Variants in CCDC7 observed in about 807,000 individuals in gnomAD.
CCDC7 encodes the protein coiled-coil domain-containing protein 7.
In CCDC7, 183 loss-of-function variants were observed where a neutral mutation model predicts 196.9. The ratio of observed to expected loss-of-function variants is 0.93; its 90% CI spans 0.82 to 1.05. The LOEUF (loss-of-function observed/expected upper bound fraction) is 1.05. CCDC7 is among the 50% of genes least tolerant of loss of function. The pLI is 0.00. For synonymous variants in CCDC7, 525 were observed against 484.6 expected (o/e 1.08, Z -1.10); for missense variants, 1,540 against 1,482.2 (o/e 1.04, Z -0.64).
chr10:32,611,257 T>C (rs1263746394), intron 18 of CCDC7, among the ~76,000 whole-genome samples: 1 of 152,242 alleles, frequency 6.6e-6, no homozygotes, highest in Non-Finnish European at 1.5e-5. Context: ...TGCCCACTTT[T>C]TGATGGGGTT....
chr10:32,511,263 G>A lies in CCDC7; in HGVS notation c.873-6682G>A. 5.1e-6 allele frequency: 3 copies of A among 591,272 alleles called. 1 individual carries two copies. 36.6% of individuals were successfully genotyped at this position (591,272 alleles called of 1,614,324 possible). On this transcript the variant is annotated intron_variant, in intron 9 of 41. Transcript: ENST00000639629. ...CCACAGAATTATTCTGTGGGGGGCG[G>A]GGGGGGCGGGGAAATGTACTTTTTG...
At chr10:32,662,999 C>CA (rs1219968625) in intron 20 of CCDC7, among the ~76,000 whole-genome samples, 3 of 149,752 alleles carry the variant, frequency 2.0e-5, no homozygotes, top group Non-Finnish European at 4.4e-5. Context: ...CCAAATTAGT[C>CA]AGAGGCCGAA....
At chr10:32,545,732 CCT>C (rs1391911194) in intron 13 of CCDC7, among the ~76,000 whole-genome samples, 2 of 151,824 alleles carry the variant, frequency 1.3e-5, no homozygotes, top group Non-Finnish European at 2.9e-5. Context: ...ACGGCAAAAC[CCT>C]GTCTCTACCA....
At chr10:32,878,691 A>G (rs1414443010), downstream of CCDC7, among the ~76,000 whole-genome samples, 1 of 152,148 alleles carries the variant, frequency 6.6e-6, no homozygotes, top group East Asian at 1.9e-4. Context: ...TGGAAATTCA[A>G]AAATTCCTTT....
chr10:32,807,424 A>G (rs1478556092), intron 30 of CCDC7, among the ~76,000 whole-genome samples: 1 of 152,136 alleles, frequency 6.6e-6, no homozygotes, highest in Non-Finnish European at 1.5e-5. Context: ...GGGCTCCAAG[A>G]TGACTGTCTT....
rs1565146886 is a variant in CCDC7, at chr10:32,689,060, TAAAG to T, written c.2244_2247del (p.Lys748AsnfsTer21). The T allele has an allele frequency of 6.3e-7, 1 of 1,582,228 alleles. No homozygotes were observed. Among genetic ancestry groups the T allele is most frequent in the South Asian group, 1.1e-5 (1 of 88,478 alleles). On this transcript the variant is annotated frameshift_variant, in exon 23 of 42. Coordinates refer to ENST00000639629, the Ensembl canonical transcript of CCDC7. LOFTEE classifies it high-confidence loss of function. ...ACACATCTTTTTCTGTAGCTCCTGA[TAAAG>T]AACCAAATGAAAATCTTATACTTAG...
At chr10:32,482,722 C>T (rs893384407) in intron 8 of CCDC7, among the ~76,000 whole-genome samples, 1 of 150,548 alleles carries the variant, frequency 6.6e-6, no homozygotes, top group African/African-American at 2.4e-5. Flanking sequence ...TTGTTCAGTT[C>T]CCACCTATGA....
intron 9 of CCDC7, among the ~76,000 whole-genome samples, chr10:32,492,599 G>A (rs1255784972): frequency 6.6e-6 from 1 of 152,000 alleles, no homozygotes; most frequent in Non-Finnish European, 1.5e-5. Flanking sequence ...AAAGACAAAT[G>A]CAATTATTCC....
chr10:32,873,976 G>T (rs2094517079), intron 41 of CCDC7, among the ~76,000 whole-genome samples: 1 of 151,464 alleles, frequency 6.6e-6, no homozygotes, highest in Non-Finnish European at 1.5e-5. Context: ...TATATATATG[G>T]TTAAAATGCA....
At chr10:32,518,542 CT>C in intron 11 of CCDC7, 37 bp downstream of exon 12, 1 of 1,509,030 alleles carries the variant, frequency 6.6e-7, no homozygotes, top group Non-Finnish European at 9.1e-7. Context: ...TGGCATACAC[CT>C]AATAAGGCTT....
At chr10:32,701,484 T>C (rs142141825) in intron 24 of CCDC7, among the ~76,000 whole-genome samples, 8,074 of 152,258 alleles carry the variant, frequency 0.053, 715 homozygotes, top group African/African-American at 0.18. Context: ...TTCTCTTTTT[T>C]GGTTGTGTGT....
chr10:32,679,175 G>T (rs1041180419), intron 21 of CCDC7, among the ~76,000 whole-genome samples: 2 of 152,084 alleles, frequency 1.3e-5, no homozygotes, highest in African/African-American at 2.4e-5. Flanking sequence ...CACAAGCATG[G>T]GTTGTGTGCT....
chr10:32,848,009 T>G (rs1032111683), intron 38 of CCDC7, 93 bp downstream of exon 39: 2 of 673,886 alleles, frequency 3.0e-6, no homozygotes, highest in East Asian at 3.0e-5. Flanking sequence ...TATATGTTAA[T>G]ATTTCATGGG....
intron 8 of CCDC7, among the ~76,000 whole-genome samples, chr10:32,483,108 C>T (rs550711372): frequency 4.6e-5 from 7 of 152,282 alleles, no homozygotes; most frequent in Admixed American, 3.9e-4. Context: ...AGTTTACAGT[C>T]CCACCAACAG....
At chr10:32,659,624 AT>A (rs541187218) in intron 20 of CCDC7, among the ~76,000 whole-genome samples, 1 of 152,362 alleles carries the variant, frequency 6.6e-6, no homozygotes, top group Non-Finnish European at 1.5e-5. Context: ...TTACAAAAAA[AT>A]AAACAGCAAC....
intron 21 of CCDC7, among the ~76,000 whole-genome samples, chr10:32,681,357 C>T (rs1274122997): frequency 6.6e-6 from 1 of 152,056 alleles, no homozygotes; most frequent in Non-Finnish European, 1.5e-5. Flanking sequence ...TTTCCTCTAC[C>T]CCACTACTTC....
chr10:32,563,791 T>C (rs1410786776), intron 13 of CCDC7, among the ~76,000 whole-genome samples: 1 of 151,964 alleles, frequency 6.6e-6, no homozygotes, highest in East Asian at 1.9e-4. Flanking sequence ...AAAGCCAAAA[T>C]TGACAAATGG....
chr10:32,817,105 T>TG (rs977063508), intron 31 of CCDC7, among the ~76,000 whole-genome samples: 4 of 151,666 alleles, frequency 2.6e-5, no homozygotes, highest in Non-Finnish European at 5.9e-5. Flanking sequence ...ATTAGACAAA[T>TG]GGCTAACTAG....
intron 29 of CCDC7, among the ~76,000 whole-genome samples, chr10:32,793,447 A>G (rs1173748670): frequency 6.6e-6 from 1 of 152,182 alleles, no homozygotes; most frequent in Non-Finnish European, 1.5e-5. Context: ...TTTAATGTAT[A>G]TATTAGTCAT....
Sources: gnomAD v4.1 joint callset for allele counts (sites outside exome capture counted in the v4.1 genomes callset) on GRCh38, gnomAD v4.1.1 for gene constraint, MANE v1.5 for transcripts, NCBI Gene and HGNC (gene_info 2026-07-23, HGNC 2026-07-21) for gene names.